The following CAPN5 variants were observed in gnomAD, a reference collection of about 807,000 sequenced individuals.
CAPN5 encodes calpain-5.
A neutral mutation model predicts 73.0 loss-of-function variants in CAPN5; 54 were observed. The observed-to-expected ratio is 0.74, with a 90% CI of 0.59 to 0.93. CAPN5 has a LOEUF of 0.93. Among genes scored for constraint, CAPN5 ranks in the 40% least tolerant of loss-of-function variants. The pLI is 0.00. For synonymous variants in CAPN5, 335 were observed against 356.9 expected (o/e 0.94, Z 0.69); for missense variants, 785 against 882.9 (o/e 0.89, Z 1.41).
At chr11:77,078,791 A>G (rs1248951593) in intron 1 of CAPN5, among the ~76,000 whole-genome samples, 2 of 149,368 alleles carry the variant, frequency 1.3e-5, no homozygotes, top group African/African-American at 4.9e-5. Context: ...CAAGTCTTTT[A>G]CCTTCTTGGT....
chr11:77,105,784 G>A (rs1461171540), intron 3 of CAPN5, among the ~76,000 whole-genome samples: 18 of 152,198 alleles, frequency 1.2e-4, no homozygotes, highest in African/African-American at 3.9e-4. Flanking sequence ...TAGCCCCAAG[G>A]CCACGTGACT....
At chr11:77,123,058 G>C (rs1420782585) in intron 12 of CAPN5, among the ~76,000 whole-genome samples, 1 of 152,244 alleles carries the variant, frequency 6.6e-6, no homozygotes, top group African/African-American at 2.4e-5. Flanking sequence ...TTGAGCCACT[G>C]TGTGGTGCGT....
At chr11:77,095,340 C>T (rs1176950012) in intron 3 of CAPN5, among the ~76,000 whole-genome samples, 12 of 152,180 alleles carry the variant, frequency 7.9e-5, no homozygotes, top group African/African-American at 2.9e-4. Flanking sequence ...CCCACCCCCC[C>T]ACTAGATGAG....
At chr11:77,120,259 G>A (rs1203838939) in intron 9 of CAPN5, 1 of 153,254 alleles carries the variant, frequency 6.5e-6, no homozygotes, top group Non-Finnish European at 1.5e-5. Context: ...TGTTGCCCAT[G>A]CTGACCTTGA....
chr11:77,077,132 G>A lies in CAPN5; in HGVS notation c.-35-7720G>A, dbSNP rs370602469. On this transcript the variant is annotated intron_variant, in intron 1 of 12. Transcript: ENST00000648180. Reference sequence around the variant, plus strand: ...AGCACTTTGGGAGGCCAAGGCAGGCGGATCACCTGAGGTCAGGAGTTTGAG... The same window carrying A: ...AGCACTTTGGGAGGCCAAGGCAGGCAGATCACCTGAGGTCAGGAGTTTGAG... Among the ~76,000 whole-genome samples the A allele has an allele frequency of 4.6e-5, 7 of 152,260 alleles. No individual in the cohort carries two copies. In the South Asian group the frequency reaches 8.3e-4, roughly 18 times the overall value.
chr11:77,103,337 G>A, intron 3 of CAPN5: 1 of 1,601,536 alleles, frequency 6.2e-7, no homozygotes, highest in South Asian at 1.1e-5. Flanking sequence ...TCTGACAGCA[G>A]CTGCCAGCTG....
At chr11:77,094,757 G>A (rs572726759) in intron 3 of CAPN5, among the ~76,000 whole-genome samples, 48 of 152,292 alleles carry the variant, frequency 3.2e-4, no homozygotes, top group Admixed American at 5.9e-4. Flanking sequence ...GCTGTCTCTC[G>A]GGGAGTGGTG....
chr11:77,075,130 C>T (rs563581057), intron 1 of CAPN5, among the ~76,000 whole-genome samples: 1 of 152,344 alleles, frequency 6.6e-6, no homozygotes, highest in East Asian at 1.9e-4. Context: ...TGAAGCCACA[C>T]GCTGCACATG....
chr11:77,096,157 C>T (rs1324921251), intron 3 of CAPN5, among the ~76,000 whole-genome samples: 3 of 152,200 alleles, frequency 2.0e-5, no homozygotes, highest in East Asian at 1.9e-4. Flanking sequence ...GGGGGGCTGC[C>T]GAGCCTGAGC....
At chr11:77,093,940 T>G (rs879984614) in intron 3 of CAPN5, 127 bp downstream of exon 3, 3 of 1,389,556 alleles carry the variant, frequency 2.2e-6, no homozygotes, top group Non-Finnish European at 2.9e-6. Flanking sequence ...AGGGATGGGG[T>G]GGGGGCCCCC....
Position 77,122,732 on chromosome 11 carries a change from G to A in CAPN5, c.1740+20G>A, listed in dbSNP as rs782724385. 235 of 1,612,240 alleles carry A rather than the reference G, an allele frequency of 1.5e-4. No homozygotes were observed. In the East Asian group the frequency reaches 5.1e-3, roughly 35 times the overall value. On this transcript the variant is annotated intron_variant, in intron 12 of 12. Transcript: ENST00000648180. ...GTACAGGTGAGCCCCCTGGTCCAGA[G>A]GCCACCTCCTGGGCTCCTAGCCTGA...
At chr11:77,073,067 G>A (rs1555033362) in intron 1 of CAPN5, 2 of 1,289,640 alleles carry the variant, frequency 1.6e-6, no homozygotes, top group South Asian at 2.5e-5. Context: ...CCTGCACAGG[G>A]ACGCCCAGCT....
chr11:77,081,075 G>C (rs1555034537), intron 1 of CAPN5, among the ~76,000 whole-genome samples: 1 of 152,194 alleles, frequency 6.6e-6, no homozygotes, highest in African/African-American at 2.4e-5. Flanking sequence ...CTTCCCTGGA[G>C]ATGATGGCCA....
rs782234034 is a variant in CAPN5 at position 77,112,816 on chromosome 11, C to CAGGT, written c.506+20_506+23dup. The CAGGT allele has an allele frequency of 6.2e-6, 10 of 1,612,304 alleles. No individual in the cohort carries two copies. Among genetic ancestry groups the CAGGT allele is most frequent in the Non-Finnish European group, 7.6e-6 (9 of 1,178,738 alleles). ...ATGCCAAGTAGGTGCCAGCAGCAGG[C>CAGGT]AGGTGGGTGGGAGGCCCAGACGGGG... On this transcript the variant is annotated intron_variant, in intron 4 of 12. Transcript: ENST00000648180.
Position 77,115,493 on chromosome 11 carries a change from C to T in CAPN5, c.798C>T (p.His266=), listed in dbSNP as rs782692273. The T allele has an allele frequency of 2.5e-5, 40 of 1,613,222 alleles. No homozygotes were observed. The highest frequency in any genetic ancestry group is 8.0e-5 in the African/African-American group (6 of 74,934). The change falls in exon 6 of 13, where the codon CAC becomes CAT. Residue 266 remains histidine, a synonymous_variant. Transcript: ENST00000648180. ...ATGTGCGCAAGGTGCGCCTGGGCCA[C>T]GGCCTACTGGCCTTCTTCAAGTCAG... ...VTDVRKVRLG[H]GLLAFFKSEK... is the part of the protein sequence containing the mutation.
chr11:77,098,816 C>T (rs77204826), intron 3 of CAPN5, among the ~76,000 whole-genome samples: 24 of 133,126 alleles, frequency 1.8e-4, no homozygotes, highest in Admixed American at 5.8e-4. Flanking sequence ...GGCGGCTGGC[C>T]GGGCGGGGGG....
chr11:77,095,599 C>T (rs781790919), intron 3 of CAPN5, among the ~76,000 whole-genome samples: 23 of 152,196 alleles, frequency 1.5e-4, no homozygotes, highest in African/African-American at 2.7e-4. Context: ...AGCAGCCCCA[C>T]GGTCGGCCTT....
In CAPN5 at chr11:77,123,831, C is replaced by T. The variant is rs200719609; in HGVS notation, c.1884C>T (p.Ala628=). Residue 628 remains alanine, a synonymous_variant, in exon 13 of 13, where the codon GCC becomes GCT. Transcript: ENST00000648180. ...CCAGCAACCTGCCAGGCACTGTGGCCGTGCACATTCTCAGCAGCACCTCCC... is the reference window on the plus strand; with the variant it reads ...CCAGCAACCTGCCAGGCACTGTGGCTGTGCACATTCTCAGCAGCACCTCCC... ...RQPSNLPGTV[A]VHILSSTSLM... 7.4e-6 allele frequency: 12 copies of T among 1,613,850 alleles called. No individual in the cohort carries two copies. The highest frequency in any genetic ancestry group is 5.3e-5 in the African/African-American group (4 of 75,044).
intron 9 of CAPN5, 152 bp downstream of exon 9, chr11:77,119,304 G>A: frequency 1.2e-6 from 1 of 837,962 alleles, no homozygotes; most frequent in Non-Finnish European, 1.8e-6. Context: ...CCGTGGCATG[G>A]GCCCCACTTG....
Sources: gnomAD v4.1 joint callset for allele counts (sites outside exome capture counted in the v4.1 genomes callset) on GRCh38, gnomAD v4.1.1 for gene constraint, MANE v1.5 for transcripts, NCBI Gene and HGNC (gene_info 2026-07-23, HGNC 2026-07-21) for gene names.